The following XXYLT1 variants were observed in gnomAD, a reference collection of about 807,000 sequenced individuals.
XXYLT1 encodes xyloside xylosyltransferase 1.
In XXYLT1, 20 loss-of-function variants were observed where a neutral mutation model predicts 28.9. The observed-to-expected ratio is 0.69, with a 90% CI of 0.49 to 1.00. The LOEUF is 1.00. Among genes scored for constraint, XXYLT1 ranks in the 50% least tolerant of loss-of-function variants. The pLI is 0.00. For synonymous variants in XXYLT1, 257 were observed against 253.8 expected, an observed-to-expected ratio of 1.01 and a Z score of -0.12; for missense variants, 542 against 560.1, an observed-to-expected ratio of 0.97 and a Z score of 0.33.
chr3:195,099,785 C>T (rs574867217), intron 3 of XXYLT1, among the ~76,000 whole-genome samples: 2 of 145,086 alleles, frequency 1.4e-5, no homozygotes, highest in East Asian at 2.0e-4. Flanking sequence ...GAGCTGAGAT[C>T]GCGCCACTGC....
intron 3 of XXYLT1, among the ~76,000 whole-genome samples, chr3:195,072,676 C>T (rs1261204772): frequency 6.6e-6 from 1 of 152,168 alleles, no homozygotes; most frequent in Non-Finnish European, 1.5e-5. Flanking sequence ...GTGCAAGCTG[C>T]CCCGTGTGTG....
chr3:195,095,920 C>G (rs1184665199), intron 3 of XXYLT1: 1 of 152,196 alleles, frequency 6.6e-6, no homozygotes, highest in Non-Finnish European at 1.5e-5. Flanking sequence ...CTGTTTCCAG[C>G]CCACAGGAAC....
At chr3:195,075,862 C>T (rs1056019842) in intron 3 of XXYLT1, among the ~76,000 whole-genome samples, 39 of 152,228 alleles carry the variant, frequency 2.6e-4, no homozygotes, top group African/African-American at 8.7e-4. Context: ...GAGGTCGAGG[C>T]GCGGCTGTTG....
Position 195,173,134 on chromosome 3 carries a change from C to CT in XXYLT1, c.653-16554dup, listed in dbSNP as rs1279468909. Among the ~76,000 whole-genome samples, 4 of 152,178 alleles carry CT rather than the reference C, an allele frequency of 2.6e-5. No homozygotes were observed. The highest frequency in any genetic ancestry group is 5.9e-5 in the Non-Finnish European group (4 of 68,026). On this transcript the variant is annotated intron_variant, in intron 2 of 3. Transcript: ENST00000310380. This position sits in a 1 kb window ranked among gnomAD's most constrained non-coding sequence, Gnocchi z 4.3. ...ACACATCTTGCAAGTCCATCAGGAGCTCTGGCTCTCTAGACGGTGCTCCCA... is the reference window on the plus strand; with the variant it reads ...ACACATCTTGCAAGTCCATCAGGAGCTTCTGGCTCTCTAGACGGTGCTCCCA...
chr3:195,244,328 G>T (rs1267338712), intron 1 of XXYLT1, among the ~76,000 whole-genome samples: 3 of 152,230 alleles, frequency 2.0e-5, no homozygotes, highest in Non-Finnish European at 4.4e-5. Flanking sequence ...AAGGAGGGCA[G>T]CTCTGGGTCC....
intron 1 of XXYLT1, chr3:195,259,492 G>T: frequency 1.2e-6 from 1 of 809,622 alleles, no homozygotes; most frequent in East Asian, 1.2e-4. Flanking sequence ...AGGGCAGCAG[G>T]GAGGCCTTCG....
In XXYLT1 at chr3:195,180,371, G is replaced by A. The variant is rs898890712; in HGVS notation, c.653-23790C>T. On this transcript the variant is annotated intron_variant, in intron 2 of 3. Transcript: ENST00000310380. The surrounding 1 kb of genome is among the most constrained non-coding windows in gnomAD (Gnocchi z 5.8). ...TCTGGATGGTTTATCCCCCTGGCCCGCCTGGCCCTCAAGACACACTTCCTT... is the reference window on the plus strand; with the variant it reads ...TCTGGATGGTTTATCCCCCTGGCCCACCTGGCCCTCAAGACACACTTCCTT... The A allele has an allele frequency of 8.1e-6, 8 of 985,254 alleles. No individual in the cohort carries two copies. In the South Asian group the frequency reaches 1.4e-4, roughly 17 times the overall value. 61.0% of individuals were successfully genotyped at this position (985,254 alleles called of 1,614,324 possible).
chr3:195,249,905 C>T (rs1018259729), intron 1 of XXYLT1, among the ~76,000 whole-genome samples: 2 of 152,162 alleles, frequency 1.3e-5, no homozygotes, highest in East Asian at 1.9e-4. Flanking sequence ...CTCCACCACC[C>T]ACCACCACCA....
Position 195,250,448 on chromosome 3 carries a change from T to C in XXYLT1, c.504+20107A>G, listed in dbSNP as rs1171176379. ...GCGTGGTGGCACATGCCTATAACTC[T>C]AGCTACTTGGGAGGCTGAGGCCAGA... On this transcript the variant is annotated intron_variant, in intron 1 of 3. Coordinates refer to ENST00000310380, the MANE Select transcript of XXYLT1 (RefSeq NM_152531.5). Among the ~76,000 whole-genome samples the C allele has an allele frequency of 6.6e-5, 10 of 151,566 alleles. 1 individual carries two copies. Among genetic ancestry groups the C allele is most frequent in the Admixed American group, 6.6e-4 (10 of 15,182 alleles).
intron 2 of XXYLT1, among the ~76,000 whole-genome samples, chr3:195,216,198 A>T (rs1723565817): frequency 6.6e-6 from 1 of 152,182 alleles, no homozygotes; most frequent in Non-Finnish European, 1.5e-5. Context: ...AAGTGCCCAC[A>T]AGAGAAAGCA....
intron 2 of XXYLT1, among the ~76,000 whole-genome samples, chr3:195,157,211 C>T (rs1720644657): frequency 6.9e-6 from 1 of 144,996 alleles, no homozygotes; most frequent in South Asian, 2.2e-4. Flanking sequence ...CCACTGCACT[C>T]CAGCCTGGGC....
At chr3:195,141,377 CGTGA>C (rs1416043239) in intron 3 of XXYLT1, among the ~76,000 whole-genome samples, 2 of 152,192 alleles carry the variant, frequency 1.3e-5, no homozygotes, top group South Asian at 4.1e-4. Flanking sequence ...TAGTTTGCTA[CGTGA>C]GTGTCATATG....
intron 3 of XXYLT1, among the ~76,000 whole-genome samples, chr3:195,119,577 C>A (rs1368777711): frequency 6.6e-6 from 1 of 152,104 alleles, no homozygotes; most frequent in Non-Finnish European, 1.5e-5. Context: ...ACACTCCTAG[C>A]CCGGGCCCCG....
rs1371917708 is a variant in XXYLT1, at chr3:195,195,882, G to T, written c.652+30827C>A. Among the ~76,000 whole-genome samples, 1 of 152,310 alleles carries T rather than the reference G, an allele frequency of 6.6e-6. No individual in the cohort carries two copies. Among genetic ancestry groups the T allele is most frequent in the Admixed American group, 6.5e-5 (1 of 15,298 alleles). On this transcript the variant is annotated intron_variant, in intron 2 of 3. Coordinates refer to ENST00000310380, the MANE Select transcript of XXYLT1 (RefSeq NM_152531.5). The surrounding 1 kb of genome is among the most constrained non-coding windows in gnomAD (Gnocchi z 4.4). The stretch of plus-strand genomic sequence containing the variant: ...ATCCAATGAGCTCCAGTGAGCCTGA[G>T]CCTGGTCAGGACCTCCAAGTCACAG...
chr3:195,235,921 CATAGACATAG>C (rs1724519695), intron 1 of XXYLT1, among the ~76,000 whole-genome samples: 11 of 147,314 alleles, frequency 7.5e-5, no homozygotes, highest in African/African-American at 3.0e-4. Context: ...TAGACATAGA[CATAGACATAG>C]ACATAGACAT....
chr3:195,154,212 C>G (rs1190623004), intron 3 of XXYLT1: 1 of 152,072 alleles, frequency 6.6e-6, no homozygotes, highest in Admixed American at 6.6e-5. Context: ...ATGCAGCCAG[C>G]GCCAGGGAAA....
chr3:195,169,670 G>C (rs1215026593), intron 2 of XXYLT1, among the ~76,000 whole-genome samples: 2 of 152,008 alleles, frequency 1.3e-5, no homozygotes, highest in Admixed American at 6.6e-5. Context: ...ATAAGTAAAG[G>C]AGCGACTGTA....
chr3:195,211,022 G>A (rs1028872028), intron 2 of XXYLT1, among the ~76,000 whole-genome samples: 2 of 152,192 alleles, frequency 1.3e-5, no homozygotes, highest in African/African-American at 4.8e-5. Context: ...CTAACCCTAA[G>A]GAGTGTTCAG....
chr3:195,190,764 G>A (rs1016569024), intron 2 of XXYLT1, among the ~76,000 whole-genome samples: 1 of 151,884 alleles, frequency 6.6e-6, no homozygotes, highest in Non-Finnish European at 1.5e-5. Flanking sequence ...GTATGGAAGG[G>A]GGAAAGAATG....
Sources: gnomAD v4.1 joint callset for allele counts (sites outside exome capture counted in the v4.1 genomes callset) on GRCh38, gnomAD v4.1.1 for gene constraint, Gnocchi (gnomAD v3.1) non-coding constraint, MANE v1.5 for transcripts, NCBI Gene and HGNC (gene_info 2026-07-23, HGNC 2026-07-21) for gene names.